MTUS2: variants seen among roughly 807,000 people sequenced by gnomAD.
The protein encoded by MTUS2 is microtubule associated scaffold protein 2.
In MTUS2, 40 loss-of-function variants were observed where a neutral mutation model predicts 114.1. That is an observed-to-expected ratio of 0.35 (90% CI 0.27 to 0.46). MTUS2 has a LOEUF of 0.46. Among genes scored for constraint, MTUS2 ranks in the 20% least tolerant of loss-of-function variants. MTUS2 has a pLI of 1.00. For missense variants in MTUS2, 1,679 were observed against 1,705.4 expected (o/e 0.98, Z 0.27); for synonymous variants, 688 against 672.0 (o/e 1.02, Z -0.37).
At chr13:29,194,044 T>C (rs370247600) in intron 5 of MTUS2, among the ~76,000 whole-genome samples, 2 of 150,926 alleles carry the variant, frequency 1.3e-5, no homozygotes, top group African/African-American at 4.9e-5. Context: ...TAGCCATATG[T>C]AGAAAGCTGA....
chr13:29,169,114 C>T (rs2987340), intron 5 of MTUS2, among the ~76,000 whole-genome samples: 148,028 of 152,250 alleles, frequency 0.97, 72,033 homozygotes, highest in Non-Finnish European at 1. Context: ...TGCTGGGGTA[C>T]AAAAGCAAAT....
intron 5 of MTUS2, among the ~76,000 whole-genome samples, chr13:29,220,245 G>T (rs1182008813): frequency 1.3e-5 from 2 of 151,986 alleles, no homozygotes; most frequent in African/African-American, 4.8e-5. Context: ...AGATGATCTG[G>T]CCACCTTGGC....
chr13:29,228,434 T>G, intron 5 of MTUS2, among the ~76,000 whole-genome samples: 1 of 152,126 alleles, frequency 6.6e-6, no homozygotes, highest in East Asian at 1.9e-4. Context: ...GTGCCTCCCA[T>G]CTCAGCTTCC....
chr13:29,194,475 C>G (rs918464767), intron 5 of MTUS2, among the ~76,000 whole-genome samples: 1 of 152,084 alleles, frequency 6.6e-6, no homozygotes, highest in Non-Finnish European at 1.5e-5. Context: ...ATTTTTGCAG[C>G]CAAAAAACAC....
At chr13:29,215,311 T>C (rs1235911240) in intron 5 of MTUS2, among the ~76,000 whole-genome samples, 1 of 151,968 alleles carries the variant, frequency 6.6e-6, no homozygotes, top group African/African-American at 2.4e-5. Context: ...TAGGACATGC[T>C]CCTTTAGCTT....
At chr13:28,938,311 G>A (rs1455819636) in intron 2 of MTUS2, among the ~76,000 whole-genome samples, 2 of 151,894 alleles carry the variant, frequency 1.3e-5, no homozygotes, top group Non-Finnish European at 2.9e-5. Context: ...GAACCCAGAG[G>A]TGGAGGTTGC....
At chr13:29,435,490 G>T (rs1201258339) in intron 8 of MTUS2, among the ~76,000 whole-genome samples, 1 of 152,196 alleles carries the variant, frequency 6.6e-6, no homozygotes, top group African/African-American at 2.4e-5. Context: ...GGGGAGTAAT[G>T]ACTTGAGATC....
intron 5 of MTUS2, among the ~76,000 whole-genome samples, chr13:29,209,717 G>A (rs1233820980): frequency 1.3e-5 from 2 of 152,068 alleles, no homozygotes; most frequent in African/African-American, 4.8e-5. Context: ...AAAACTCTTG[G>A]CTGACAAATT....
chr13:29,367,976 T>C (rs2138280305), intron 8 of MTUS2, among the ~76,000 whole-genome samples: 2 of 151,518 alleles, frequency 1.3e-5, no homozygotes, highest in East Asian at 3.9e-4. Flanking sequence ...TCTCACTCTT[T>C]CACCCAGGCT....
At chr13:29,204,046 A>G (rs1593598733) in intron 5 of MTUS2, among the ~76,000 whole-genome samples, 1 of 148,910 alleles carries the variant, frequency 6.7e-6, no homozygotes, top group African/African-American at 2.5e-5. Context: ...TGCAACCTCC[A>G]CCTCCCAGTT....
intron 6 of MTUS2, among the ~76,000 whole-genome samples, chr13:29,322,012 A>T (rs1250532560): frequency 3.3e-5 from 5 of 152,144 alleles, no homozygotes; most frequent in African/African-American, 1.2e-4. Context: ...AGTTCATATA[A>T]CTTATGTTAT....
chr13:29,245,125 A>G (rs1485910195), intron 5 of MTUS2, among the ~76,000 whole-genome samples: 1 of 152,148 alleles, frequency 6.6e-6, no homozygotes, highest in African/African-American at 2.4e-5. Flanking sequence ...TTTCTGATGA[A>G]TAAGAGAGGA....
intron 2 of MTUS2, among the ~76,000 whole-genome samples, chr13:28,992,685 C>G (rs1485950937): frequency 1.3e-5 from 2 of 152,150 alleles, no homozygotes; most frequent in Non-Finnish European, 2.9e-5. Context: ...CTCCCCTGGG[C>G]CCTTGGATAA....
rs576821743 is a variant in MTUS2 at position 29,430,977 on chromosome 13, A to G, written c.3118-9006A>G. ...TGATTACCTTAACCTAGCTTAATAA[A>G]CGTTAAAACAATAAATATCTCCTCA... On this transcript the variant is annotated intron_variant, in intron 8 of 15. Transcript: ENST00000612955. Among the ~76,000 whole-genome samples, 38 of 152,346 alleles carry G rather than the reference A, an allele frequency of 2.5e-4. No homozygotes were observed. The South Asian group carries it at 7.7e-3, about 31-fold the overall frequency.
chr13:29,280,078 T>G (rs1898210017), intron 5 of MTUS2, among the ~76,000 whole-genome samples: 1 of 152,210 alleles, frequency 6.6e-6, no homozygotes, highest in Non-Finnish European at 1.5e-5. Flanking sequence ...AAAATATCAT[T>G]CAATTCCTGA....
At chr13:28,891,991 G>T (rs545243692) in intron 2 of MTUS2, among the ~76,000 whole-genome samples, 1 of 151,788 alleles carries the variant, frequency 6.6e-6, no homozygotes, top group East Asian at 1.9e-4. Flanking sequence ...ATTTTCCCCG[G>T]GAAGCCCTCC....
chr13:28,981,565 A>C (rs1884359518), intron 2 of MTUS2, among the ~76,000 whole-genome samples: 1 of 152,214 alleles, frequency 6.6e-6, no homozygotes, highest in Non-Finnish European at 1.5e-5. Context: ...ATTATAGCTT[A>C]ATAAAAGAGA....
At chr13:29,339,801 C>T (rs1043558815) in intron 7 of MTUS2, 1 of 155,944 alleles carries the variant, frequency 6.4e-6, no homozygotes, top group Non-Finnish European at 1.4e-5. Context: ...ACGTAGACGA[C>T]TTTGCAGCCA....
At chr13:29,209,355 G>A (rs1272235230) in intron 5 of MTUS2, among the ~76,000 whole-genome samples, 3 of 152,190 alleles carry the variant, frequency 2.0e-5, no homozygotes, top group African/African-American at 7.2e-5. Flanking sequence ...GCAGATACTC[G>A]GTTGGCGAAT....
Sources: gnomAD v4.1 joint callset for allele counts (sites outside exome capture counted in the v4.1 genomes callset) on GRCh38, gnomAD v4.1.1 for gene constraint, MANE v1.5 for transcripts, NCBI Gene and HGNC (gene_info 2026-07-23, HGNC 2026-07-21) for gene names.